ADNP2: variants seen among roughly 807,000 people sequenced by gnomAD.
ADNP2 encodes the protein ADNP homeobox 2, also known as activity-dependent neuroprotector homeobox protein 2.
A neutral mutation model predicts 16.4 loss-of-function variants in ADNP2; 8 were observed. The observed-to-expected ratio is 0.49, with a 90% CI of 0.29 to 0.88. The LOEUF is 0.88. Ranked by LOEUF, ADNP2 falls within the 40% of genes least tolerant of loss-of-function variation. The pLI is 0.09. For synonymous variants in ADNP2, 637 were observed against 545.8 expected, an observed-to-expected ratio of 1.17 and a Z score of -2.33; for missense variants, 1,397 against 1,395.1, an observed-to-expected ratio of 1.00 and a Z score of -0.02.
At position 80,138,486 on chromosome 18, in the gene ADNP2, A is replaced by C; in HGVS notation, c.3073A>C (p.Arg1025=). 2.5e-6 allele frequency: 4 copies of C among 1,614,180 alleles called. No homozygotes were observed. Among genetic ancestry groups the C allele is most frequent in the Non-Finnish European group, 3.4e-6 (4 of 1,180,050 alleles). The change falls in exon 4 of 4, where the codon AGA becomes CGA. Residue 1025 remains arginine (R), a synonymous_variant. Transcript: ENST00000262198. Reference sequence around the variant, plus strand: ...TTTTAAAAGACAAAGGAATGAAAGCAGAACAGAGGGACCTATTGTCAAGGA... The same window carrying C: ...TTTTAAAAGACAAAGGAATGAAAGCCGAACAGAGGGACCTATTGTCAAGGA... ...VPFKRQRNES[R]TEGPIVKDEA...
chr18:80,111,863 G>A (rs2052359874), intron 1 of ADNP2, among the ~76,000 whole-genome samples: 1 of 151,840 alleles, frequency 6.6e-6, no homozygotes, highest in Non-Finnish European at 1.5e-5. Flanking sequence ...CTTTTAGAAT[G>A]TATTTTTTTT....
At position 80,133,087 on chromosome 18, in the gene ADNP2, T is replaced by C. The variant is rs759867308; in HGVS notation, c.109-16T>C. 1.9e-4 allele frequency: 285 copies of C among 1,512,290 alleles called. No homozygotes were observed. Among genetic ancestry groups the C allele is most frequent in the Admixed American group, 2.8e-4 (15 of 53,674 alleles). The allele number at this position is 1,512,290 out of a possible 1,614,324, so 93.7% of individuals were successfully genotyped here. On this transcript the variant is annotated splice_polypyrimidine_tract_variant and intron_variant, in intron 2 of 3. Transcript: ENST00000262198. Reference sequence around the variant, plus strand: ...CTGAATTTACATAATCTCTTTTTTTTCTCCCTTTTTAAAAGGACCTTAAAG... The same window carrying C: ...CTGAATTTACATAATCTCTTTTTTTCCTCCCTTTTTAAAAGGACCTTAAAG...
chr18:80,114,206 GAAA>G (rs1053866224), intron 1 of ADNP2, among the ~76,000 whole-genome samples: 3 of 137,568 alleles, frequency 2.2e-5, no homozygotes, highest in East Asian at 2.0e-4. Context: ...AAAAAAAAAA[GAAA>G]AAAAAGATCT....
In ADNP2 at chr18:80,138,142, C is replaced by G. The variant is rs760529865; in HGVS notation, c.2729C>G (p.Ser910Cys). 3 of 1,614,116 alleles carry G rather than the reference C, an allele frequency of 1.9e-6. No individual in the cohort carries two copies. The highest frequency in any genetic ancestry group is 2.5e-6 in the Non-Finnish European group (3 of 1,180,036). ...CCCACAGTCCACACGGTCCTGAAGT[C>G]TCCCGCCTTCAAGTGCATCCACTGC... is the stretch of plus-strand genomic sequence containing the variant. ...IMPTVHTVLK[S>C]PAFKCIHCCG... is the part of the protein sequence containing the mutation. The change falls in exon 4 of 4, where the codon TCT becomes TGT. Residue 910 changes from serine (S) to cysteine (C), a missense_variant. By Grantham distance (112) the Ser-to-Cys change is moderately radical. This residue lies in a region of ADNP2 where 611 missense variants were observed against 648.7 expected (regional missense o/e 0.94). Coordinates refer to ENST00000262198, the MANE Select transcript of ADNP2 (RefSeq NM_014913.4).
intron 2 of ADNP2, among the ~76,000 whole-genome samples, chr18:80,124,248 C>T (rs1027919179): frequency 2.0e-5 from 3 of 152,118 alleles, no homozygotes; most frequent in Non-Finnish European, 2.9e-5. Flanking sequence ...TCCTAATAAT[C>T]TGTCTCTCTC....
chr18:80,135,161 G>A (rs2052523879), intron 3 of ADNP2, among the ~76,000 whole-genome samples: 1 of 152,160 alleles, frequency 6.6e-6, no homozygotes, highest in Non-Finnish European at 1.5e-5. Flanking sequence ...TAGAACAGGG[G>A]TCAGCAAACT....
chr18:80,132,037 A>G (rs2052500308), intron 2 of ADNP2, among the ~76,000 whole-genome samples: 1 of 152,228 alleles, frequency 6.6e-6, no homozygotes, highest in Admixed American at 6.5e-5. Context: ...GTTTCTTTAT[A>G]TGTACTCATG....
intron 2 of ADNP2, among the ~76,000 whole-genome samples, chr18:80,126,800 C>G (rs375510343): frequency 3.5e-4 from 53 of 152,260 alleles, no homozygotes; most frequent in Non-Finnish European, 6.5e-4. Flanking sequence ...TCCCCTCACC[C>G]GTTTGTCCCT....
rs556530390 is a variant in ADNP2, at chr18:80,124,614, G to A, written c.108+6964G>A. Among the ~76,000 whole-genome samples, 258 of 152,106 alleles carry A rather than the reference G, an allele frequency of 1.7e-3. 1 individual carries two copies. Among genetic ancestry groups the A allele is most frequent in the African/African-American group, 6.0e-3 (249 of 41,494 alleles). ...CCAAACCCAATCCTGTTGGGTTTTT[G>A]TGGTGGCTTCCTTATGCAGGCATGA... On this transcript the variant is annotated intron_variant, in intron 2 of 3. Transcript: ENST00000262198.
intron 1 of ADNP2, among the ~76,000 whole-genome samples, chr18:80,115,526 CAAT>C (rs374060154): frequency 3.3e-5 from 5 of 152,226 alleles, no homozygotes; most frequent in African/African-American, 1.2e-4. Context: ...GTGTTGAAAA[CAAT>C]GAGTTCACTT....
intron 2 of ADNP2, among the ~76,000 whole-genome samples, chr18:80,124,808 C>G (rs2052447777): frequency 6.6e-6 from 1 of 152,132 alleles, no homozygotes; most frequent in Non-Finnish European, 1.5e-5. Flanking sequence ...ATTAACATAA[C>G]TCTTAATTCT....
Position 80,137,427 on chromosome 18 carries a change from G to T in ADNP2, c.2014G>T (p.Val672Leu). 6.2e-7 allele frequency: 1 copy of T among 1,614,196 alleles called. No homozygotes were observed. The highest frequency in any genetic ancestry group is 2.2e-5 in the East Asian group (1 of 44,876). The change falls in exon 4 of 4, where the codon GTG (valine) becomes TTG (leucine). Residue 672 changes from valine (V) to leucine (L), a missense_variant. Physicochemically the swap from Val to Leu is conservative, Grantham distance 32 (BLOSUM62 1). Coordinates refer to ENST00000262198, the MANE Select transcript of ADNP2 (RefSeq NM_014913.4). The surrounding 1 kb of genome is among the most constrained non-coding windows in gnomAD (Gnocchi z 4.2). Reference protein sequence around the residue: ...PPVLVNAAQSVFVQASSSAAD... With the variant: ...PPVLVNAAQSLFVQASSSAAD... ...AGTGCTGGTGAATGCTGCTCAGAGC[G>T]TGTTTGTTCAGGCCTCCTCCTCTGC...
intron 2 of ADNP2, among the ~76,000 whole-genome samples, chr18:80,123,282 T>C (rs1399955218): frequency 6.6e-6 from 1 of 152,226 alleles, no homozygotes; most frequent in Non-Finnish European, 1.5e-5. Flanking sequence ...TTTTTAATTT[T>C]CTTGTAATGT....
chr18:80,118,831 G>C (rs1038463488), intron 2 of ADNP2, among the ~76,000 whole-genome samples: 1 of 152,114 alleles, frequency 6.6e-6, no homozygotes, highest in Non-Finnish European at 1.5e-5. Flanking sequence ...TACTTCACAA[G>C]GGAAAATTAA....
At chr18:80,115,583 T>G (rs1326870320) in intron 1 of ADNP2, among the ~76,000 whole-genome samples, 1 of 152,192 alleles carries the variant, frequency 6.6e-6, no homozygotes, top group East Asian at 1.9e-4. Context: ...TTTATTTTAA[T>G]TTTGTGCCTT....
In ADNP2 at chr18:80,135,845, A is replaced by G. The variant is rs147862644; in HGVS notation, c.432A>G (p.Glu144=). 4.4e-5 allele frequency: 71 copies of G among 1,614,254 alleles called. No homozygotes were observed. Among genetic ancestry groups the G allele is most frequent in the Non-Finnish European group, 5.8e-5 (69 of 1,180,050 alleles). ...ACTACACAGTGAATATTTTAGGTGA[A>G]ACTAAATCATCTAGGAGCGATGTGA... ...VQNYTVNILG[E]TKSSRSDVIS... Residue 144 remains glutamate (E), a synonymous_variant, in exon 4 of 4, where the codon GAA becomes GAG. Coordinates refer to ENST00000262198, the MANE Select transcript of ADNP2 (RefSeq NM_014913.4).
At chr18:80,121,812 A>T (rs901775572) in intron 2 of ADNP2, among the ~76,000 whole-genome samples, 1 of 152,156 alleles carries the variant, frequency 6.6e-6, no homozygotes, top group African/African-American at 2.4e-5. Flanking sequence ...TATTGAATGG[A>T]CTTGGCACCC....
At chr18:80,111,273 T>G (rs1431830175) in intron 1 of ADNP2, among the ~76,000 whole-genome samples, 2 of 152,226 alleles carry the variant, frequency 1.3e-5, no homozygotes, top group Non-Finnish European at 2.9e-5. Context: ...AGTTAATTAA[T>G]AGCAAACTCA....
chr18:80,131,302 G>A (rs541792114), intron 2 of ADNP2, among the ~76,000 whole-genome samples: 2 of 152,006 alleles, frequency 1.3e-5, no homozygotes, highest in Non-Finnish European at 2.9e-5. Context: ...TCTTTCAGCT[G>A]ATTGTGAGGT....
Sources: gnomAD v4.1 joint callset for allele counts (sites outside exome capture counted in the v4.1 genomes callset) on GRCh38, gnomAD v4.1.1 for gene constraint, gnomAD v4.1.1 regional missense constraint, Gnocchi (gnomAD v3.1) non-coding constraint, MANE v1.5 for transcripts, NCBI Gene and HGNC (gene_info 2026-07-23, HGNC 2026-07-21) for gene names.